The following BICRA variants were observed in gnomAD, a reference collection of about 807,000 sequenced individuals.
BICRA encodes BRD4 interacting chromatin remodeling complex associated protein.
In BICRA, 31 loss-of-function variants were observed where a neutral mutation model predicts 96.9. The ratio of observed to expected loss-of-function variants is 0.32; its 90% CI spans 0.24 to 0.43. The LOEUF (loss-of-function observed/expected upper bound fraction) is 0.43, where lower values mean the gene tolerates loss of function less well. Ranked by LOEUF, BICRA falls within the 20% of genes least tolerant of loss-of-function variation. The pLI, the probability that BICRA is intolerant of heterozygous loss-of-function variation, is 1.00. For missense variants in BICRA, 2,283 were observed against 2,190.3 expected (o/e 1.04, Z -0.84); for synonymous variants, 1,350 against 1,071.8 (o/e 1.26, Z -5.07).
intron 2 of BICRA, among the ~76,000 whole-genome samples, chr19:47,671,797 T>C (rs939838225): frequency 9.7e-6 from 1 of 103,436 alleles, no homozygotes; most frequent in African/African-American, 3.9e-5. Flanking sequence ...GATGGAGGGA[T>C]GGGTAGCTAG....
chr19:47,646,460 C>T (rs776138454), intron 1 of BICRA, among the ~76,000 whole-genome samples: 1 of 152,220 alleles, frequency 6.6e-6, no homozygotes, highest in Non-Finnish European at 1.5e-5. Flanking sequence ...CGCGCACACA[C>T]ACACGGCTGA....
intron 1 of BICRA, among the ~76,000 whole-genome samples, chr19:47,660,336 A>T (rs972407039): frequency 6.6e-6 from 1 of 152,148 alleles, no homozygotes; most frequent in Non-Finnish European, 1.5e-5. Context: ...GACATTTATC[A>T]TAGGATTTTG....
rs1444262221 is a variant in BICRA at position 47,701,117 on chromosome 19, G to A, written c.3596-211G>A. 8.6e-6 allele frequency: 5 copies of A among 578,836 alleles called. No homozygotes were observed. The highest frequency in any genetic ancestry group is 6.6e-5 in the Admixed American group (2 of 30,238). The allele number at this position is 578,836 out of a possible 1,614,324, so 35.9% of individuals were successfully genotyped here. Reference sequence around the variant, plus strand: ...TGTCTGAATGAGCCCCACGTGGCTCGTGGCGCTGTGCCAGGCACAGTGGTT... The same window carrying A: ...TGTCTGAATGAGCCCCACGTGGCTCATGGCGCTGTGCCAGGCACAGTGGTT... On this transcript the variant is annotated intron_variant, in intron 14 of 14. Transcript: ENST00000594866. This position sits in a 1 kb window ranked among gnomAD's most constrained non-coding sequence, Gnocchi z 5.4.
rs1480779305 is a variant in BICRA, at chr19:47,609,343, GC to G, written c.-108+181del. Among the ~76,000 whole-genome samples, 4 of 145,944 alleles carry G rather than the reference GC, an allele frequency of 2.7e-5. No homozygotes were observed. The East Asian group carries it at 8.1e-4, about 30-fold the overall frequency. Reference sequence around the variant, plus strand: ...CACCCCCGCGACACTCTCACACTCAGCCCCCCAGCCGGGGCGCAGCGCCCGC... The same window carrying G: ...CACCCCCGCGACACTCTCACACTCAGCCCCCAGCCGGGGCGCAGCGCCCGC... On this transcript the variant is annotated intron_variant, in intron 1 of 14. Coordinates refer to ENST00000594866, the MANE Select transcript of BICRA (RefSeq NM_001394372.1).
At position 47,679,309 on chromosome 19, in the gene BICRA, C is replaced by G; in HGVS notation, c.151-12C>G. On this transcript the variant is annotated splice_polypyrimidine_tract_variant and intron_variant, in intron 5 of 14. Transcript: ENST00000594866. Reference sequence around the variant, plus strand: ...CCTCAGCTCTTTCCTTCCCACCTTTCCCGGCCTGCAGCTCCATGTGCAAGA... The same window carrying G: ...CCTCAGCTCTTTCCTTCCCACCTTTGCCGGCCTGCAGCTCCATGTGCAAGA... The G allele has an allele frequency of 7.0e-7, 1 of 1,421,826 alleles. No homozygotes were observed. The highest frequency in any genetic ancestry group is 1.6e-5 in the South Asian group (1 of 62,582). 88.1% of individuals were successfully genotyped at this position (1,421,826 alleles called of 1,614,324 possible).
At chr19:47,676,886 C>G (rs1972950488) in intron 5 of BICRA, among the ~76,000 whole-genome samples, 1 of 151,992 alleles carries the variant, frequency 6.6e-6, no homozygotes, top group South Asian at 2.1e-4. Context: ...CATTCAGGTT[C>G]TAAACACTCT....
rs558976687 is a variant in BICRA, at chr19:47,651,548, G to A, written c.-107-18895G>A. On this transcript the variant is annotated intron_variant, in intron 1 of 14. Transcript: ENST00000594866. ...AGGGTCTGACTCCTGCCGGTAGAAC[G>A]TGAGCTCTGGGAGAGCAGGGATGAC... is the stretch of plus-strand genomic sequence containing the variant. Among the ~76,000 whole-genome samples the A allele has an allele frequency of 5.9e-5, 9 of 152,266 alleles. No individual in the cohort carries two copies. In the South Asian group the frequency reaches 1.7e-3, roughly 28 times the overall value.
At chr19:47,686,657 T>G (rs902739623) in intron 7 of BICRA, among the ~76,000 whole-genome samples, 1 of 152,220 alleles carries the variant, frequency 6.6e-6, no homozygotes, top group Non-Finnish European at 1.5e-5. Context: ...GTGCTGAGAT[T>G]ACAGGCGTGA....
At position 47,698,840 on chromosome 19, in the gene BICRA, G is replaced by C. The variant is rs1003532906; in HGVS notation, c.3397+58G>C. On this transcript the variant is annotated intron_variant, in intron 12 of 14. Transcript: ENST00000594866. The surrounding 1 kb of genome is among the most constrained non-coding windows in gnomAD (Gnocchi z 4.8). ...CCCAGGGGACCCCAGCCCGTGGGGCGGGGCGTCGCCAGTGTGGAGCCGCAG... is the reference window on the plus strand; with the variant it reads ...CCCAGGGGACCCCAGCCCGTGGGGCCGGGCGTCGCCAGTGTGGAGCCGCAG... 16 of 1,449,692 alleles carry C rather than the reference G, an allele frequency of 1.1e-5. No individual in the cohort carries two copies. Among genetic ancestry groups the C allele is most frequent in the Non-Finnish European group, 1.4e-5 (15 of 1,055,794 alleles). The allele number at this position is 1,449,692 out of a possible 1,614,324, so 89.8% of individuals were successfully genotyped here.
intron 1 of BICRA, among the ~76,000 whole-genome samples, chr19:47,610,896 T>C (rs1971896464): frequency 1.3e-5 from 2 of 152,088 alleles, no homozygotes; most frequent in Admixed American, 1.3e-4. Context: ...TTTTGGGACA[T>C]GTTGACCTCC....
In BICRA at chr19:47,699,165, C is replaced by G; in HGVS notation, c.3492+106C>G. On this transcript the variant is annotated intron_variant, in intron 13 of 14. Transcript: ENST00000594866. The surrounding 1 kb of genome is among the most constrained non-coding windows in gnomAD (Gnocchi z 5.0). ...GGTGGAGCCTCCCGCCCCTCCTAGC[C>G]CCGGGAGGGAGGTTGGGAGGGAGGC... 2.1e-6 allele frequency: 2 copies of G among 955,100 alleles called. No homozygotes were observed. The highest frequency in any genetic ancestry group is 3.3e-6 in the Non-Finnish European group (2 of 608,390). 59.2% of individuals were successfully genotyped at this position (955,100 alleles called of 1,614,324 possible).
chr19:47,620,804 C>T (rs1018368078), intron 1 of BICRA, among the ~76,000 whole-genome samples: 2 of 151,788 alleles, frequency 1.3e-5, no homozygotes, highest in Admixed American at 6.6e-5. Context: ...GTCCAGGAAA[C>T]AGCATTTTCA....
Position 47,699,537 on chromosome 19 carries a change from C to T in BICRA, c.3595+132C>T. 2 of 633,114 alleles carry T rather than the reference C, an allele frequency of 3.2e-6. No homozygotes were observed. The highest frequency in any genetic ancestry group is 5.7e-6 in the Non-Finnish European group (2 of 351,316). 39.2% of individuals were successfully genotyped at this position (633,114 alleles called of 1,614,324 possible). ...CCACCACTAGGCGGTGCCCCAGCTC[C>T]ACCTTCCTGCTGGCAGCTGTGCCTC... is the stretch of plus-strand genomic sequence containing the variant. On this transcript the variant is annotated intron_variant, in intron 14 of 14. Coordinates refer to ENST00000594866, the MANE Select transcript of BICRA (RefSeq NM_001394372.1). This position sits in a 1 kb window ranked among gnomAD's most constrained non-coding sequence, Gnocchi z 5.0.
rs1973392186 is a variant in BICRA, at chr19:47,698,871, C to CGGT, written c.3397+91_3398-90dup. 2 of 1,333,838 alleles carry CGGT rather than the reference C, an allele frequency of 1.5e-6. No individual in the cohort carries two copies. The allele number at this position is 1,333,838 out of a possible 1,614,324, so 82.6% of individuals were successfully genotyped here. A position where few individuals can be genotyped will look rare whatever the true frequency, so the allele number is the denominator to read the frequency against. ...TCGCCAGTGTGGAGCCGCAGGTCCA[C>CGGT]GGTGCGCTATGCTGACCCTGCCCCG... On this transcript the variant is annotated intron_variant, in intron 12 of 14. Transcript: ENST00000594866. The surrounding 1 kb of genome is among the most constrained non-coding windows in gnomAD (Gnocchi z 4.8).
chr19:47,612,341 A>C (rs938011139), intron 1 of BICRA, among the ~76,000 whole-genome samples: 1 of 151,804 alleles, frequency 6.6e-6, no homozygotes, highest in Admixed American at 6.6e-5. Context: ...GCTTGAGCCT[A>C]GGAGTTTGAA....
rs1266262207 is a variant in BICRA, at chr19:47,702,507, G to A, written c.*92G>A. On this transcript the variant is annotated 3_prime_UTR_variant, in exon 15 of 15. Coordinates refer to ENST00000594866, the MANE Select transcript of BICRA (RefSeq NM_001394372.1). ...TCAGCCTCCTGGGGACTCGAGCCGG[G>A]GATCCCCTGACGGTTTTTCTTGCCT... is the stretch of plus-strand genomic sequence containing the variant. 9.6e-6 allele frequency: 13 copies of A among 1,357,762 alleles called. No homozygotes were observed. Among genetic ancestry groups the A allele is most frequent in the Non-Finnish European group, 1.2e-5 (13 of 1,056,440 alleles). The allele number at this position is 1,357,762 out of a possible 1,614,324, so 84.1% of individuals were successfully genotyped here. A position where few individuals can be genotyped will look rare whatever the true frequency, so the allele number is the denominator to read the frequency against.
chr19:47,671,185 G>C (rs1972857267), intron 2 of BICRA, among the ~76,000 whole-genome samples: 1 of 152,226 alleles, frequency 6.6e-6, no homozygotes. Context: ...CCACTGTGGG[G>C]GGTCCCTGGT....
chr19:47,697,958 C>T (rs1027777387), intron 11 of BICRA, among the ~76,000 whole-genome samples: 5 of 152,190 alleles, frequency 3.3e-5, no homozygotes, highest in African/African-American at 1.2e-4. Context: ...CCTTCTGCCT[C>T]GGCCCCGCAA....
chr19:47,619,536 GGT>G (rs1303487371), intron 1 of BICRA, among the ~76,000 whole-genome samples: 2 of 151,262 alleles, frequency 1.3e-5, no homozygotes, highest in African/African-American at 4.9e-5. Context: ...TGGGATTACA[GGT>G]GTGAGCCACT....
Sources: gnomAD v4.1 joint callset for allele counts (sites outside exome capture counted in the v4.1 genomes callset) on GRCh38, gnomAD v4.1.1 for gene constraint, Gnocchi (gnomAD v3.1) non-coding constraint, MANE v1.5 for transcripts, NCBI Gene and HGNC (gene_info 2026-07-23, HGNC 2026-07-21) for gene names.